The following PHACTR2 variants were observed in gnomAD, a reference collection of about 807,000 sequenced individuals.
PHACTR2 encodes the protein phosphatase and actin regulator 2, also known as chromosome 6 open reading frame 56.
A neutral mutation model predicts 76.0 loss-of-function variants in PHACTR2; 30 were observed. The ratio of observed to expected loss-of-function variants is 0.39; its 90% CI spans 0.30 to 0.54. PHACTR2 has a LOEUF of 0.54. PHACTR2 is among the 20% of genes least tolerant of loss of function. The pLI is 0.61. For missense variants in PHACTR2, 696 were observed against 781.1 expected, an observed-to-expected ratio of 0.89 and a Z score of 1.30; for synonymous variants, 292 against 292.5, an observed-to-expected ratio of 1.00 and a Z score of 0.02.
In PHACTR2 at chr6:143,549,668, G is replaced by A. The variant is rs970156295; in HGVS notation, c.217+12461G>A. On this transcript the variant is annotated intron_variant, in intron 1 of 11. Transcript: ENST00000367584. The surrounding 1 kb of genome is among the most constrained non-coding windows in gnomAD (Gnocchi z 4.2). ...TTAAAATCTGTAAGCAAATGTCCCT[G>A]TTCCACCTCCCCTTCCTGAGCTGCC... Among the ~76,000 whole-genome samples, 1 of 151,956 alleles carries A rather than the reference G, an allele frequency of 6.6e-6. No individual in the cohort carries two copies. Among genetic ancestry groups the A allele is most frequent in the African/African-American group, 2.4e-5 (1 of 41,384 alleles).
At position 143,602,072 on chromosome 6, in the gene PHACTR2, T is replaced by C. The variant is rs1775819682; in HGVS notation, c.217+64865T>C. On this transcript the variant is annotated intron_variant, in intron 1 of 11. Transcript: ENST00000367584. This position sits in a 1 kb window ranked among gnomAD's most constrained non-coding sequence, Gnocchi z 6.1. ...CCACTCTTTTAGTTATTTTGAAATA[T>C]AAAATACGATTGTTAACTATAGTCA... Among the ~76,000 whole-genome samples the C allele has an allele frequency of 6.6e-6, 1 of 152,212 alleles. No individual in the cohort carries two copies. The highest frequency in any genetic ancestry group is 2.4e-5 in the African/African-American group (1 of 41,442).
chr6:143,606,552 A>G (rs1775875860), upstream of PHACTR2, among the ~76,000 whole-genome samples: 1 of 152,216 alleles, frequency 6.6e-6, no homozygotes, highest in East Asian at 1.9e-4. Flanking sequence ...CTGCCAATAG[A>G]TGAGACTTCT....
intron 1 of PHACTR2, among the ~76,000 whole-genome samples, chr6:143,651,042 CT>C (rs775498270): frequency 2.0e-5 from 3 of 151,644 alleles, no homozygotes; most frequent in Admixed American, 1.3e-4. Flanking sequence ...TGAACAGACA[CT>C]TTTTTTAAAA....
Position 143,760,343 on chromosome 6 carries a change from T to C in PHACTR2, c.455-58T>C. The C allele has an allele frequency of 6.6e-7, 1 of 1,509,154 alleles. No individual in the cohort carries two copies. Among genetic ancestry groups the C allele is most frequent in the East Asian group, 2.4e-5 (1 of 41,270 alleles). 93.5% of individuals were successfully genotyped at this position (1,509,154 alleles called of 1,614,324 possible). ...GTCACTATCGTCATGTCTTGCTCCT[T>C]GTGTTTATATGGTGTGTGTCTGTAT... On this transcript the variant is annotated intron_variant, in intron 4 of 12. Coordinates refer to ENST00000440869, the MANE Select transcript of PHACTR2 (RefSeq NM_001100164.2). This position sits in a 1 kb window ranked among gnomAD's most constrained non-coding sequence, Gnocchi z 6.4.
chr6:143,700,903 T>C lies in PHACTR2; in HGVS notation c.47-11113T>C, dbSNP rs9484795. Among the ~76,000 whole-genome samples, 34,172 of 152,224 alleles carry C rather than the reference T, an allele frequency of 0.22. 3,808 individuals are homozygous for C. Among genetic ancestry groups the C allele is most frequent in the Middle Eastern group, 0.3 (89 of 294 alleles). On this transcript the variant is annotated intron_variant, in intron 1 of 12. Transcript: ENST00000440869. This position sits in a 1 kb window ranked among gnomAD's most constrained non-coding sequence, Gnocchi z 4.1. Reference sequence around the variant, plus strand: ...TGATTCCTGTCACGTTTTTCCTCTCTGTAGCGACATCTTGCTATTCCTAAG... The same window carrying C: ...TGATTCCTGTCACGTTTTTCCTCTCCGTAGCGACATCTTGCTATTCCTAAG...
At chr6:143,763,225 G>A (rs1460613193) in intron 5 of PHACTR2, among the ~76,000 whole-genome samples, 2 of 152,058 alleles carry the variant, frequency 1.3e-5, no homozygotes, top group Non-Finnish European at 2.9e-5. Flanking sequence ...CAGGCGTGGT[G>A]GTGGGCACCT....
In PHACTR2 at chr6:143,757,959, G is replaced by GCACACA. The variant is rs10632120; in HGVS notation, c.455-2441_455-2440insACACAC. 5.4e-3 allele frequency among the ~76,000 whole-genome samples: 790 copies of GCACACA among 145,686 alleles called. 7 individuals carry two copies. Among genetic ancestry groups the GCACACA allele is most frequent in the African/African-American group, 0.017 (650 of 37,844 alleles). Reference sequence around the variant, plus strand: ...CCTGCGTGTGTGTGCATGCACACGTGCGCGCACACACACACACACACACAC... The same window carrying GCACACA: ...CCTGCGTGTGTGTGCATGCACACGTGCACACACGCGCACACACACACACACACACAC... On this transcript the variant is annotated intron_variant, in intron 4 of 12. Coordinates refer to ENST00000440869, the MANE Select transcript of PHACTR2 (RefSeq NM_001100164.2). This position sits in a 1 kb window ranked among gnomAD's most constrained non-coding sequence, Gnocchi z 4.2.
intron 1 of PHACTR2, among the ~76,000 whole-genome samples, chr6:143,649,312 A>G (rs1321731824): frequency 6.6e-6 from 1 of 152,220 alleles, no homozygotes; most frequent in South Asian, 2.1e-4. Context: ...CCTTGGCTTT[A>G]AAATGCTGGT....
In PHACTR2 at chr6:143,800,511, T is replaced by G. The variant is rs1450681764; in HGVS notation, c.1846-6546T>G. The stretch of plus-strand genomic sequence containing the variant: ...CTCCTGACTTCGTGATCTGCCTGCA[T>G]CGGCCTCCCAAAGTGCTGGGATTAC... On this transcript the variant is annotated intron_variant, in intron 11 of 12. Coordinates refer to ENST00000440869, the MANE Select transcript of PHACTR2 (RefSeq NM_001100164.2). This position sits in a 1 kb window ranked among gnomAD's most constrained non-coding sequence, Gnocchi z 4.8. 6.6e-6 allele frequency among the ~76,000 whole-genome samples: 1 copy of G among 152,200 alleles called. No individual in the cohort carries two copies. The highest frequency in any genetic ancestry group is 1.9e-4 in the East Asian group (1 of 5,196).
At chr6:143,781,986 G>A (rs1775443047) in intron 9 of PHACTR2, among the ~76,000 whole-genome samples, 1 of 152,208 alleles carries the variant, frequency 6.6e-6, no homozygotes, top group Non-Finnish European at 1.5e-5. Context: ...AAAACTGATA[G>A]AGAATTTAGC....
intron 2 of PHACTR2, among the ~76,000 whole-genome samples, chr6:143,718,823 G>A (rs1352408839): frequency 6.6e-6 from 1 of 151,568 alleles, no homozygotes; most frequent in Non-Finnish European, 1.5e-5. Context: ...ATAAATGACA[G>A]CATTTTGATT....
At position 143,553,711 on chromosome 6, in the gene PHACTR2, A is replaced by T. The variant is rs899173072; in HGVS notation, c.217+16504A>T. Reference sequence around the variant, plus strand: ...CCTAGTTGAGAAGAGGGCTCAGGGGAGCTGACTAGAGTTTGATCAAGAAAA... The same window carrying T: ...CCTAGTTGAGAAGAGGGCTCAGGGGTGCTGACTAGAGTTTGATCAAGAAAA... On this transcript the variant is annotated intron_variant, in intron 1 of 11. Transcript: ENST00000367584. This position sits in a 1 kb window ranked among gnomAD's most constrained non-coding sequence, Gnocchi z 4.2. Among the ~76,000 whole-genome samples, 2 of 152,150 alleles carry T rather than the reference A, an allele frequency of 1.3e-5. No homozygotes were observed. The highest frequency in any genetic ancestry group is 4.8e-5 in the African/African-American group (2 of 41,434).
chr6:143,636,688 G>C (rs1413499227), intron 1 of PHACTR2, among the ~76,000 whole-genome samples: 4 of 152,142 alleles, frequency 2.6e-5, no homozygotes, highest in Admixed American at 2.6e-4. Flanking sequence ...ATCTTGGGTA[G>C]CATATATTTA....
chr6:143,819,592 G>C lies in PHACTR2; in HGVS notation c.1923-4082G>C, dbSNP rs1323989428. Among the ~76,000 whole-genome samples the C allele has an allele frequency of 2.6e-5, 4 of 152,198 alleles. No individual in the cohort carries two copies. Among genetic ancestry groups the C allele is most frequent in the Non-Finnish European group, 4.4e-5 (3 of 68,038 alleles). Reference sequence around the variant, plus strand: ...GCCTGAGAGCTCGAGGCAGTGGGGAGTACTGGTGTAAGTTCTGGAGTACAA... The same window carrying C: ...GCCTGAGAGCTCGAGGCAGTGGGGACTACTGGTGTAAGTTCTGGAGTACAA... On this transcript the variant is annotated intron_variant, in intron 12 of 12. Transcript: ENST00000440869. This position sits in a 1 kb window ranked among gnomAD's most constrained non-coding sequence, Gnocchi z 5.0.
chr6:143,631,282 C>T (rs1257351752), intron 1 of PHACTR2, among the ~76,000 whole-genome samples: 1 of 152,110 alleles, frequency 6.6e-6, no homozygotes, highest in Non-Finnish European at 1.5e-5. Flanking sequence ...CCTCAACCTC[C>T]TGGGCTCAAG....
At position 143,733,237 on chromosome 6, in the gene PHACTR2, A is replaced by G. The variant is rs1239713397; in HGVS notation, c.215-15748A>G. Among the ~76,000 whole-genome samples, 1 of 151,904 alleles carries G rather than the reference A, an allele frequency of 6.6e-6. No homozygotes were observed. The highest frequency in any genetic ancestry group is 6.6e-5 in the Admixed American group (1 of 15,216). On this transcript the variant is annotated intron_variant, in intron 2 of 12. Coordinates refer to ENST00000440869, the MANE Select transcript of PHACTR2 (RefSeq NM_001100164.2). The surrounding 1 kb of genome is among the most constrained non-coding windows in gnomAD (Gnocchi z 4.0). ...TTCTACCTTACTTTTTTCATTTTCC[A>G]TAGCACATTTTACCGTCTAACATCT...
intron 1 of PHACTR2, among the ~76,000 whole-genome samples, chr6:143,544,252 GGGAA>G (rs148918748): frequency 0.05 from 5,979 of 118,632 alleles, 419 homozygotes; most frequent in African/African-American, 0.23. Context: ...GGGAGGGAGT[GGGAA>G]GGAAGGAAGG....
chr6:143,543,438 G>A lies in PHACTR2; in HGVS notation c.217+6231G>A, dbSNP rs960137885. Among the ~76,000 whole-genome samples, 1 of 152,192 alleles carries A rather than the reference G, an allele frequency of 6.6e-6. No individual in the cohort carries two copies. Among genetic ancestry groups the A allele is most frequent in the Non-Finnish European group, 1.5e-5 (1 of 68,032 alleles). ...TTAGTGGGGAAAGACAGGCCAATAA[G>A]CCAAAGACCACAGTGCAATAAAGTA... On this transcript the variant is annotated intron_variant, in intron 1 of 11. Transcript: ENST00000367584. The surrounding 1 kb of genome is among the most constrained non-coding windows in gnomAD (Gnocchi z 4.7).
chr6:143,813,827 T>C (rs1329366975), intron 12 of PHACTR2, among the ~76,000 whole-genome samples: 1 of 152,120 alleles, frequency 6.6e-6, no homozygotes, highest in Non-Finnish European at 1.5e-5. Flanking sequence ...GAGACTGAGA[T>C]ATTCACATAC....
Sources: allele counts gnomAD v4.1 joint callset (sites outside exome capture counted in the v4.1 genomes callset), GRCh38; gene constraint gnomAD v4.1.1; non-coding constraint Gnocchi (gnomAD v3.1); transcripts MANE v1.5; gene names NCBI Gene and HGNC (gene_info 2026-07-23, HGNC 2026-07-21).